The following ANKFY1 variants were observed in gnomAD, a reference collection of about 807,000 sequenced individuals.
The protein encoded by ANKFY1 is ankyrin repeat and FYVE domain-containing protein 1.
In ANKFY1, 47 loss-of-function variants were observed where a neutral mutation model predicts 128.3. The ratio of observed to expected loss-of-function variants is 0.37; its 90% CI spans 0.29 to 0.47. The LOEUF (loss-of-function observed/expected upper bound fraction) is 0.47. ANKFY1 is among the 20% of genes least tolerant of loss of function. ANKFY1 has a pLI of 1.00. For synonymous variants in ANKFY1, 553 were observed against 601.6 expected (o/e 0.92, Z 1.18); for missense variants, 1,222 against 1,510.6 (o/e 0.81, Z 3.17).
intron 7 of ANKFY1, among the ~76,000 whole-genome samples, chr17:4,204,384 A>G (rs2059986422): frequency 6.6e-6 from 1 of 152,246 alleles, no homozygotes; most frequent in Non-Finnish European, 1.5e-5. Context: ...AAGGCCACAG[A>G]GTAAACAGAT....
At chr17:4,172,481 T>C (rs945597066) in intron 22 of ANKFY1, 75 bp downstream of exon 22, 6 of 1,563,636 alleles carry the variant, frequency 3.8e-6, no homozygotes, top group Non-Finnish European at 5.2e-6. Flanking sequence ...GATAACGACG[T>C]GTGCCTGGGC....
intron 8 of ANKFY1, among the ~76,000 whole-genome samples, chr17:4,196,485 C>T (rs1352016695): frequency 6.6e-6 from 1 of 152,138 alleles, no homozygotes; most frequent in Non-Finnish European, 1.5e-5. Context: ...TCCTTCACAG[C>T]CCCTCACACC....
intron 10 of ANKFY1, among the ~76,000 whole-genome samples, chr17:4,193,905 C>T (rs1176349860): frequency 2.0e-5 from 3 of 150,178 alleles, no homozygotes; most frequent in Non-Finnish European, 4.4e-5. Context: ...GATTACAGTG[C>T]GTGGCCACCA....
rs113840684 is a variant in ANKFY1, at chr17:4,229,423, C to CA, written c.322+6348dup. 8.6e-3 allele frequency among the ~76,000 whole-genome samples: 950 copies of CA among 110,414 alleles called. 13 individuals carry two copies. Among genetic ancestry groups the CA allele is most frequent in the African/African-American group, 0.027 (794 of 29,516 alleles). The allele number at this position is 110,414 out of a possible 152,430, so 72.4% of individuals were successfully genotyped here. On this transcript the variant is annotated intron_variant, in intron 3 of 24. Transcript: ENST00000341657. ...TGGGTGACAGAGTGAGGCTCTGTCTCAAAAAAAAAAAAGAAAATGAGATAA... is the reference window on the plus strand; with the variant it reads ...TGGGTGACAGAGTGAGGCTCTGTCTCAAAAAAAAAAAAAGAAAATGAGATAA...
At chr17:4,234,379 A>G (rs1039124223) in intron 3 of ANKFY1, among the ~76,000 whole-genome samples, 1 of 152,174 alleles carries the variant, frequency 6.6e-6, no homozygotes, top group African/African-American at 2.4e-5. Context: ...TGAAAATGCA[A>G]CCTTCAGGTC....
intron 9 of ANKFY1, 23 bp downstream of exon 9, chr17:4,195,380 C>G: frequency 1.2e-6 from 2 of 1,610,108 alleles, no homozygotes; most frequent in South Asian, 1.1e-5. Flanking sequence ...CGCCTTCTCA[C>G]TTGTGCGTGT....
intron 3 of ANKFY1, chr17:4,222,590 T>G (rs1189924049): frequency 1.6e-6 from 2 of 1,266,202 alleles, no homozygotes; most frequent in African/African-American, 2.9e-5. Flanking sequence ...ATGATACTAA[T>G]GCAGCTCAAC....
chr17:4,222,323 AACTTT>A lies in ANKFY1; in HGVS notation c.323-5210_323-5206del, dbSNP rs2060338080. Reference sequence around the variant, plus strand: ...CACCGGCTGATCGGTCTTGATGCAGAACTTTATTATGTGACAAATGACCTTATTAT... The same window carrying A: ...CACCGGCTGATCGGTCTTGATGCAGAATTATGTGACAAATGACCTTATTAT... On this transcript the variant is annotated intron_variant, in intron 3 of 24. Transcript: ENST00000341657. 4 of 737,500 alleles carry A rather than the reference AACTTT, an allele frequency of 5.4e-6. No individual in the cohort carries two copies. The Admixed American group carries it at 7.3e-5, about 14-fold the overall frequency. The allele number at this position is 737,500 out of a possible 1,614,324, so 45.7% of individuals were successfully genotyped here.
At chr17:4,194,680 T>C (rs2059784937) in intron 10 of ANKFY1, 1 of 397,282 alleles carries the variant, frequency 2.5e-6, no homozygotes, top group African/African-American at 2.0e-5. Flanking sequence ...AAAGAAAAGC[T>C]CTCTGGGGTA....
At chr17:4,212,001 T>C (rs749980490) in intron 4 of ANKFY1, among the ~76,000 whole-genome samples, 3 of 151,968 alleles carry the variant, frequency 2.0e-5, no homozygotes, top group African/African-American at 4.8e-5. Context: ...CAGGACCACA[T>C]TGTAGTCTGG....
intron 11 of ANKFY1, chr17:4,187,280 T>C (rs1209612141): frequency 2.0e-5 from 8 of 398,662 alleles, no homozygotes; most frequent in Admixed American, 4.4e-5. Flanking sequence ...CTGCAATTCC[T>C]GTGAAACCTG....
chr17:4,172,485 C>A, intron 22 of ANKFY1, 71 bp downstream of exon 22: 1 of 1,573,642 alleles, frequency 6.4e-7, no homozygotes, highest in Non-Finnish European at 8.6e-7. Flanking sequence ...ACGACGTGTG[C>A]CTGGGCTCTT....
intron 7 of ANKFY1, among the ~76,000 whole-genome samples, chr17:4,203,938 T>C (rs1313886211): frequency 6.6e-6 from 1 of 151,458 alleles, no homozygotes; most frequent in Non-Finnish European, 1.5e-5. Flanking sequence ...TGAAGACTCA[T>C]CTTCTTGCTC....
chr17:4,190,359 T>G (rs142544940), intron 10 of ANKFY1, among the ~76,000 whole-genome samples: 216 of 152,206 alleles, frequency 1.4e-3, no homozygotes, highest in Non-Finnish European at 2.5e-3. Context: ...AGGAATTGCT[T>G]GAACCCACGA....
At chr17:4,221,515 T>A (rs1021737819) in intron 3 of ANKFY1, among the ~76,000 whole-genome samples, 2 of 152,176 alleles carry the variant, frequency 1.3e-5, no homozygotes, top group African/African-American at 4.8e-5. Flanking sequence ...CCTGGCTGAC[T>A]TTGTTTTTTA....
intron 2 of ANKFY1, among the ~76,000 whole-genome samples, chr17:4,239,581 C>T (rs964174359): frequency 6.6e-6 from 1 of 152,130 alleles, no homozygotes; most frequent in African/African-American, 2.4e-5. Context: ...CTCAATCACC[C>T]AGGCTGGAGT....
chr17:4,208,758 C>CAAG (rs1392113705), intron 5 of ANKFY1, among the ~76,000 whole-genome samples: 2 of 152,070 alleles, frequency 1.3e-5, no homozygotes, highest in African/African-American at 4.8e-5. Flanking sequence ...ACAACAACAA[C>CAAG]AAAATGTAAA....
intron 1 of ANKFY1, among the ~76,000 whole-genome samples, chr17:4,253,215 C>T (rs1967937651): frequency 6.6e-6 from 1 of 152,120 alleles, no homozygotes; most frequent in African/African-American, 2.4e-5. Flanking sequence ...AGCCAGACTC[C>T]ATCTCAACAA....
intron 3 of ANKFY1, among the ~76,000 whole-genome samples, chr17:4,230,671 TAG>T (rs1055318744): frequency 1.3e-5 from 2 of 152,236 alleles, no homozygotes; most frequent in African/African-American, 4.8e-5. Context: ...AAAAATTATA[TAG>T]AGTTAATGTA....
Sources: allele counts gnomAD v4.1 joint callset (sites outside exome capture counted in the v4.1 genomes callset), GRCh38; gene constraint gnomAD v4.1.1; transcripts MANE v1.5; gene names NCBI Gene and HGNC (gene_info 2026-07-23, HGNC 2026-07-21).